Variants in TMCC1 observed in about 807,000 individuals in gnomAD.
TMCC1 encodes the protein transmembrane and coiled-coil domains protein 1.
TMCC1 carries 15 observed loss-of-function variants against 52.4 expected under a neutral mutation model. The observed-to-expected ratio is 0.29, with a 90% CI of 0.19 to 0.44. TMCC1 has a LOEUF of 0.44. TMCC1 is among the 20% of genes least tolerant of loss of function. The pLI is 1.00. For missense variants in TMCC1, 503 were observed against 806.0 expected, an observed-to-expected ratio of 0.62 and a Z score of 4.55; for synonymous variants, 279 against 301.9, an observed-to-expected ratio of 0.92 and a Z score of 0.79.
intron 4 of TMCC1, among the ~76,000 whole-genome samples, chr3:129,681,618 G>A (rs974558952): frequency 5.9e-5 from 9 of 151,856 alleles, no homozygotes; most frequent in Non-Finnish European, 1.0e-4. Flanking sequence ...TAGAAATGAG[G>A]AAGAGGAGAC....
At chr3:129,752,944 G>A (rs368140480) in intron 4 of TMCC1, among the ~76,000 whole-genome samples, 3 of 152,226 alleles carry the variant, frequency 2.0e-5, no homozygotes, top group East Asian at 1.9e-4. Flanking sequence ...CATGGCCAGC[G>A]GGAGAGAGAC....
intron 4 of TMCC1, among the ~76,000 whole-genome samples, chr3:129,777,726 C>T (rs1030137935): frequency 1.4e-4 from 21 of 152,230 alleles, no homozygotes; most frequent in Admixed American, 1.2e-3. Context: ...TTAATTATAC[C>T]CTTTGGTTAT....
Position 129,828,226 on chromosome 3 carries a change from G to A in TMCC1, c.153C>T (p.Gly51=). The change falls in exon 4 of 7, where the codon GGC becomes GGT. Residue 51 remains glycine, a synonymous_variant. Transcript: ENST00000393238. The surrounding 1 kb of genome is among the most constrained non-coding windows in gnomAD (Gnocchi z 4.1). ...ALENINVIGQ[G]LKHLFQHQRR... ...GCTGGTGCTGGAAGAGATGCTTCAA[G>A]CCTTGGCCAATCACGTTAATGTTCT... The A allele has an allele frequency of 6.2e-7, 1 of 1,614,142 alleles. No homozygotes were observed. Among genetic ancestry groups the A allele is most frequent in the Non-Finnish European group, 8.5e-7 (1 of 1,180,028 alleles).
chr3:129,786,848 T>C (rs1158405713), intron 4 of TMCC1, among the ~76,000 whole-genome samples: 1 of 152,196 alleles, frequency 6.6e-6, no homozygotes, highest in Admixed American at 6.5e-5. Flanking sequence ...TTTCTCCTAA[T>C]AGTATGAGGT....
At chr3:129,775,843 C>A (rs1363557360) in intron 4 of TMCC1, among the ~76,000 whole-genome samples, 1 of 152,308 alleles carries the variant, frequency 6.6e-6, no homozygotes, top group African/African-American at 2.4e-5. Context: ...CCAGACAGAT[C>A]TTTTAAAAAT....
At chr3:129,734,972 G>A (rs1470906459) in intron 4 of TMCC1, among the ~76,000 whole-genome samples, 1 of 150,102 alleles carries the variant, frequency 6.7e-6, no homozygotes, top group African/African-American at 2.5e-5. Flanking sequence ...GCGTGATCTC[G>A]GCTCACTGCA....
At chr3:129,661,848 C>T (rs1197785396) in intron 5 of TMCC1, among the ~76,000 whole-genome samples, 1 of 151,798 alleles carries the variant, frequency 6.6e-6, no homozygotes, top group African/African-American at 2.4e-5. Flanking sequence ...ATGCAAATAA[C>T]GAAAGGAAAA....
intron 4 of TMCC1, among the ~76,000 whole-genome samples, chr3:129,804,571 CA>C (rs2057361964): frequency 6.6e-6 from 1 of 152,184 alleles, no homozygotes; most frequent in South Asian, 2.1e-4. Context: ...AAATTATACA[CA>C]GAGTAAACTA....
chr3:129,811,714 T>C (rs1271983759), intron 4 of TMCC1, among the ~76,000 whole-genome samples: 2 of 151,840 alleles, frequency 1.3e-5, no homozygotes, highest in Non-Finnish European at 2.9e-5. Context: ...GAGGCTGAGG[T>C]GGGCAGATCA....
At chr3:129,840,858 T>C (rs2059393671) in intron 2 of TMCC1, among the ~76,000 whole-genome samples, 2 of 152,182 alleles carry the variant, frequency 1.3e-5, no homozygotes, top group African/African-American at 4.8e-5. Context: ...TAGTTTTTTA[T>C]AGCAGTGTGA....
chr3:129,764,704 C>T (rs1234512088), intron 4 of TMCC1, among the ~76,000 whole-genome samples: 1 of 135,820 alleles, frequency 7.4e-6, no homozygotes, highest in African/African-American at 2.8e-5. Flanking sequence ...TAGGTGAAAG[C>T]CAAAATGGTT....
chr3:129,794,476 T>A (rs550695584), intron 4 of TMCC1: 40 of 435,598 alleles, frequency 9.2e-5, no homozygotes, highest in African/African-American at 7.8e-4. Flanking sequence ...GTGCAAAGAA[T>A]TTCCCTGGGA....
At chr3:129,734,956 GCA>G (rs1388092672) in intron 4 of TMCC1, among the ~76,000 whole-genome samples, 1 of 151,242 alleles carries the variant, frequency 6.6e-6, no homozygotes, top group Non-Finnish European at 1.5e-5. Flanking sequence ...AGGCTGGAGT[GCA>G]GTGGCGTGAT....
At chr3:129,811,891 C>T (rs573959999) in intron 4 of TMCC1, among the ~76,000 whole-genome samples, 44 of 151,612 alleles carry the variant, frequency 2.9e-4, no homozygotes, top group African/African-American at 9.4e-4. Flanking sequence ...TTGCAGTGAG[C>T]CCAGGTTGTG....
chr3:129,789,591 C>T (rs2056308997), intron 4 of TMCC1, among the ~76,000 whole-genome samples: 2 of 152,224 alleles, frequency 1.3e-5, no homozygotes, highest in African/African-American at 4.8e-5. Context: ...CGCCATTCTC[C>T]TGCCTCAGCC....
At chr3:129,662,268 T>TA (rs2087093031) in intron 5 of TMCC1, among the ~76,000 whole-genome samples, 1 of 152,146 alleles carries the variant, frequency 6.6e-6, no homozygotes. Flanking sequence ...AATGAGTTGT[T>TA]ACGTTATTTT....
intron 2 of TMCC1, among the ~76,000 whole-genome samples, chr3:129,874,734 G>A (rs1304596627): frequency 1.3e-5 from 2 of 152,090 alleles, no homozygotes; most frequent in Non-Finnish European, 2.9e-5. Context: ...GCGCACACCT[G>A]TAGTCCTAGC....
At chr3:129,738,113 A>T (rs2107629335) in intron 4 of TMCC1, among the ~76,000 whole-genome samples, 1 of 152,078 alleles carries the variant, frequency 6.6e-6, no homozygotes, top group African/African-American at 2.4e-5. Context: ...TCTACTAAAA[A>T]TACAAAAATT....
intron 5 of TMCC1, among the ~76,000 whole-genome samples, chr3:129,669,705 A>G (rs1045416760): frequency 6.6e-6 from 1 of 152,244 alleles, no homozygotes; most frequent in Non-Finnish European, 1.5e-5. Context: ...AGTATAGCCA[A>G]GAGTGGTCTA....
Sources: gnomAD v4.1 joint callset for allele counts (sites outside exome capture counted in the v4.1 genomes callset) on GRCh38, gnomAD v4.1.1 for gene constraint, Gnocchi (gnomAD v3.1) non-coding constraint, MANE v1.5 for transcripts, NCBI Gene and HGNC (gene_info 2026-07-23, HGNC 2026-07-21) for gene names.